Variants in OPRM1 observed in about 807,000 individuals in gnomAD.
OPRM1 encodes the protein mu-type opioid receptor.
In OPRM1, 27 loss-of-function variants were observed where a neutral mutation model predicts 31.8. That is an observed-to-expected ratio of 0.85 (90% CI 0.63 to 1.17). The LOEUF is 1.17. Ranked by LOEUF, OPRM1 falls within the 50% of genes most tolerant of loss-of-function variation. The pLI, the probability that OPRM1 is intolerant of heterozygous loss-of-function variation, is 0.00. For synonymous variants in OPRM1, 196 were observed against 189.9 expected (o/e 1.03, Z -0.26); for missense variants, 536 against 511.1 (o/e 1.05, Z -0.47).
chr6:154,154,569 G>A (rs948399867), intron 3 of OPRM1: 4 of 152,070 alleles, frequency 2.6e-5, no homozygotes, highest in African/African-American at 9.7e-5. Flanking sequence ...TGCCACCAGA[G>A]GGCACTGTAA....
chr6:154,105,198 A>G (rs1795407371), intron 3 of OPRM1, among the ~76,000 whole-genome samples: 1 of 152,262 alleles, frequency 6.6e-6, no homozygotes, highest in Non-Finnish European at 1.5e-5. Flanking sequence ...ACTAGTTTCC[A>G]AATTCTGTAG....
chr6:154,144,704 C>T (rs952703588), intron 3 of OPRM1, among the ~76,000 whole-genome samples: 36 of 142,512 alleles, frequency 2.5e-4, no homozygotes, highest in African/African-American at 8.4e-4. Flanking sequence ...GCCGAGATCG[C>T]GCCATTGCAC....
chr6:154,179,500 C>T (rs1023420779), intron 3 of OPRM1, among the ~76,000 whole-genome samples: 3 of 152,128 alleles, frequency 2.0e-5, no homozygotes, highest in African/African-American at 7.2e-5. Context: ...ATTATTTCCG[C>T]CCCCCCTTAT....
At chr6:154,213,111 A>G in intron 3 of OPRM1, 1 of 453,568 alleles carries the variant, frequency 2.2e-6, no homozygotes, top group Non-Finnish European at 4.0e-6. Flanking sequence ...TGGGGAAAAT[A>G]AAATAATTCC....
intron 3 of OPRM1, among the ~76,000 whole-genome samples, chr6:154,153,329 T>A (rs73790456): frequency 0.042 from 6,401 of 152,242 alleles, 427 homozygotes; most frequent in African/African-American, 0.14. Context: ...GCAAATCAAC[T>A]GACCTTCAAA....
At position 154,122,721 on chromosome 6, in the gene OPRM1, T is replaced by C. The variant is rs115308362; in HGVS notation, c.*4000T>C. On this transcript the variant is annotated 3_prime_UTR_variant, in exon 4 of 4. Coordinates refer to ENST00000330432, the MANE Select transcript of OPRM1 (RefSeq NM_000914.5). ...TGCAGTGTGTGGCAAATGTTCAACCTTTTGTTATGCAATATCACCCATATC... is the reference window on the plus strand; with the variant it reads ...TGCAGTGTGTGGCAAATGTTCAACCCTTTGTTATGCAATATCACCCATATC... 5.9e-3 allele frequency among the ~76,000 whole-genome samples: 906 copies of C among 152,298 alleles called. 5 individuals are homozygous for C. Among genetic ancestry groups the C allele is most frequent in the African/African-American group, 0.021 (859 of 41,560 alleles).
At position 154,131,355 on chromosome 6, in the gene OPRM1, T is replaced by G. The variant is rs1196948550; in HGVS notation, c.*12634T>G. Reference sequence around the variant, plus strand: ...TATTTTTCCTCTCCAGGAATAAGAATGGCAACTGAATTGTTCCTTCTTTAT... The same window carrying G: ...TATTTTTCCTCTCCAGGAATAAGAAGGGCAACTGAATTGTTCCTTCTTTAT... On this transcript the variant is annotated 3_prime_UTR_variant, in exon 4 of 4. Coordinates refer to ENST00000330432, the MANE Select transcript of OPRM1 (RefSeq NM_000914.5). 1.3e-5 allele frequency among the ~76,000 whole-genome samples: 2 copies of G among 152,350 alleles called. No individual in the cohort carries two copies. Among genetic ancestry groups the G allele is most frequent in the African/African-American group, 2.4e-5 (1 of 41,592 alleles).
chr6:154,068,393 C>G (rs939154229), intron 1 of OPRM1, among the ~76,000 whole-genome samples: 5 of 152,138 alleles, frequency 3.3e-5, no homozygotes, highest in African/African-American at 1.2e-4. Context: ...CCCCAGCCTC[C>G]ATTCTATTCT....
intron 3 of OPRM1, among the ~76,000 whole-genome samples, chr6:154,215,866 C>T (rs924469569): frequency 5.3e-5 from 8 of 151,860 alleles, no homozygotes; most frequent in South Asian, 2.1e-4. Context: ...AGACAATATG[C>T]GAAAAAAATT....
intron 3 of OPRM1, among the ~76,000 whole-genome samples, chr6:154,181,367 A>G (rs12207740): frequency 0.082 from 12,423 of 152,234 alleles, 992 homozygotes; most frequent in East Asian, 0.43. Context: ...TTATTTCATT[A>G]TCTTTTAACA....
intron 1 of OPRM1, among the ~76,000 whole-genome samples, chr6:154,015,300 A>G (rs1281417700): frequency 1.3e-5 from 2 of 152,110 alleles, no homozygotes; most frequent in African/African-American, 2.4e-5. Flanking sequence ...AAAGACAGAG[A>G]GACTAATGGC....
chr6:154,194,163 G>A (rs767162245), intron 3 of OPRM1, among the ~76,000 whole-genome samples: 4 of 152,236 alleles, frequency 2.6e-5, no homozygotes, highest in African/African-American at 4.8e-5. Context: ...AATTTGGGAG[G>A]CCGAGGCGGG....
chr6:154,019,563 CCTCCAAT>C (rs1778224321), intron 1 of OPRM1, among the ~76,000 whole-genome samples: 1 of 152,020 alleles, frequency 6.6e-6, no homozygotes, highest in Non-Finnish European at 1.5e-5. Context: ...TTCCTCCCTC[CCTCCAAT>C]CTCTCACAAC....
At chr6:154,049,845 A>C (rs758397700) in intron 1 of OPRM1, among the ~76,000 whole-genome samples, 1 of 152,202 alleles carries the variant, frequency 6.6e-6, no homozygotes, top group Non-Finnish European at 1.5e-5. Context: ...CTTGCATCCC[A>C]AGGATAAATC....
intron 3 of OPRM1, chr6:154,219,324 G>C (rs1382333725): frequency 6.6e-6 from 1 of 152,350 alleles, no homozygotes; most frequent in South Asian, 2.1e-4. Flanking sequence ...TTGCTGGAGA[G>C]AGGAAAACTA....
At chr6:154,246,745 C>T (rs765135787) in exon 4 of OPRM1, 3 of 1,613,794 alleles carry the variant, frequency 1.9e-6, no homozygotes, top group Admixed American at 1.7e-5. Flanking sequence ...CCTCCTCCGA[C>T]TCATCGTGAG....
chr6:154,185,790 C>CA (rs1196544770), intron 3 of OPRM1, among the ~76,000 whole-genome samples: 2 of 152,106 alleles, frequency 1.3e-5, no homozygotes, highest in Non-Finnish European at 2.9e-5. Flanking sequence ...AAAAAAATCA[C>CA]AAAAAATTCT....
intron 3 of OPRM1, among the ~76,000 whole-genome samples, chr6:154,202,548 C>A (rs939748923): frequency 6.6e-6 from 1 of 152,010 alleles, no homozygotes; most frequent in Admixed American, 6.6e-5. Flanking sequence ...TTCCTTTTTT[C>A]GAAACAACAC....
chr6:154,061,127 T>C (rs746051188), intron 1 of OPRM1, among the ~76,000 whole-genome samples: 5 of 152,168 alleles, frequency 3.3e-5, no homozygotes, highest in African/African-American at 7.2e-5. Context: ...TCTGGAAAAC[T>C]TTGGGGCCCA....
Sources: allele counts gnomAD v4.1 joint callset (sites outside exome capture counted in the v4.1 genomes callset), GRCh38; gene constraint gnomAD v4.1.1; transcripts MANE v1.5; gene names NCBI Gene and HGNC (gene_info 2026-07-23, HGNC 2026-07-21).